SH3GL3: variants seen among roughly 807,000 people sequenced by gnomAD.
The protein encoded by SH3GL3 is endophilin-A3.
Under a neutral mutation model 47.7 loss-of-function variants are expected in SH3GL3, and 33 were observed. That is an observed-to-expected ratio of 0.69 (90% confidence interval 0.52 to 0.92). The LOEUF (loss-of-function observed/expected upper bound fraction) is 0.92. Among genes scored for constraint, SH3GL3 ranks in the 40% least tolerant of loss-of-function variants. The pLI is 0.00. For missense variants in SH3GL3, 363 were observed against 417.8 expected (o/e 0.87, Z 1.14); for synonymous variants, 155 against 148.8 (o/e 1.04, Z -0.30).
chr15:83,619,624 C>T (rs1343853646), downstream of SH3GL3, among the ~76,000 whole-genome samples: 1 of 152,056 alleles, frequency 6.6e-6, no homozygotes, highest in East Asian at 1.9e-4. Flanking sequence ...GAGCATATGT[C>T]TTAAAAAAAC....
rs543175061 is a variant in SH3GL3 at position 83,526,374 on chromosome 15, A to G, written c.46-32879A>G. ...AAAGACACATGCACACATATGTTCAATGCAACACTATTTGCAATAGCAAAG... is the reference window on the plus strand; with the variant it reads ...AAAGACACATGCACACATATGTTCAGTGCAACACTATTTGCAATAGCAAAG... On this transcript the variant is annotated intron_variant, in intron 1 of 8. Transcript: ENST00000427482. Among the ~76,000 whole-genome samples, 6 of 152,358 alleles carry G rather than the reference A, an allele frequency of 3.9e-5. No individual in the cohort carries two copies. The East Asian group carries it at 5.8e-4, about 15-fold the overall frequency.
At chr15:83,498,186 AT>A (rs778424606) in intron 1 of SH3GL3, among the ~76,000 whole-genome samples, 7 of 152,172 alleles carry the variant, frequency 4.6e-5, no homozygotes, top group Non-Finnish European at 1.0e-4. Context: ...TTTTCAAAAA[AT>A]ATATTTTTTA....
the SH3GL3 span, among the ~76,000 whole-genome samples, chr15:83,625,984 C>G: frequency 6.6e-6 from 1 of 152,134 alleles, no homozygotes; most frequent in African/African-American, 2.4e-5. Context: ...AGGCACCCAC[C>G]ACCACACCCA....
chr15:83,567,275 GCATCTTTC>G (rs2045594903), intron 3 of SH3GL3, among the ~76,000 whole-genome samples: 1 of 152,170 alleles, frequency 6.6e-6, no homozygotes, highest in Admixed American at 6.5e-5. Flanking sequence ...ACTTTTTAGG[GCATCTTTC>G]CATCTTTCTT....
intron 8 of SH3GL3, 130 bp downstream of exon 8, chr15:83,588,901 A>T (rs1012475060): frequency 2.4e-5 from 15 of 622,460 alleles, no homozygotes; most frequent in Non-Finnish European, 4.1e-5. Context: ...TGTTTGGTAA[A>T]TTCCCTTTTC....
Position 83,618,422 on chromosome 15 carries a change from A to C in SH3GL3, c.*135A>C, listed in dbSNP as rs2060884722. ...CTTTTGTATGTGTGCTCTCTTTATA[A>C]TGTATTTTATATCACTTTAATTTGT... On this transcript the variant is annotated 3_prime_UTR_variant, in exon 9 of 9. Coordinates refer to ENST00000427482, the MANE Select transcript of SH3GL3 (RefSeq NM_003027.5). 1.6e-6 allele frequency: 1 copy of C among 618,862 alleles called. No homozygotes were observed. Among genetic ancestry groups the C allele is most frequent in the Non-Finnish European group, 2.9e-6 (1 of 343,306 alleles). 38.3% of individuals were successfully genotyped at this position (618,862 alleles called of 1,614,324 possible). A position where few individuals can be genotyped will look rare whatever the true frequency, so the allele number is the denominator to read the frequency against.
At chr15:83,487,712 C>T (rs2041670094) in intron 1 of SH3GL3, among the ~76,000 whole-genome samples, 1 of 152,166 alleles carries the variant, frequency 6.6e-6, no homozygotes, top group Non-Finnish European at 1.5e-5. Flanking sequence ...TGGCACAATG[C>T]CTTCTCATAT....
At position 83,476,329 on chromosome 15, in the gene SH3GL3, T is replaced by A. The variant is rs7181865; in HGVS notation, c.45+28751T>A. ...ATCGCATGAGATAAATATTTGTGTT[T>A]GTATTTGTCACCATTGCATGAAATA... On this transcript the variant is annotated intron_variant, in intron 1 of 8. Coordinates refer to ENST00000427482, the MANE Select transcript of SH3GL3 (RefSeq NM_003027.5). Among the ~76,000 whole-genome samples the A allele has an allele frequency of 6.2e-3, 950 of 152,322 alleles. 9 individuals carry two copies. Among genetic ancestry groups the A allele is most frequent in the African/African-American group, 0.022 (894 of 41,572 alleles).
At chr15:83,603,774 A>G (rs528107126) in intron 8 of SH3GL3, among the ~76,000 whole-genome samples, 1 of 152,334 alleles carries the variant, frequency 6.6e-6, no homozygotes, top group East Asian at 1.9e-4. Context: ...AGCTACTGGT[A>G]TATGGTCTGC....
chr15:83,608,276 C>G (rs2060580233), intron 8 of SH3GL3, among the ~76,000 whole-genome samples: 1 of 152,126 alleles, frequency 6.6e-6, no homozygotes. Flanking sequence ...CTTAGTAGTG[C>G]ACAACTTAAC....
At chr15:83,521,066 G>A (rs1009461425) in intron 1 of SH3GL3, among the ~76,000 whole-genome samples, 7 of 152,134 alleles carry the variant, frequency 4.6e-5, no homozygotes, top group African/African-American at 1.7e-4. Context: ...CTCTTTCTGA[G>A]GTGTGTTTCC....
chr15:83,456,664 G>C (rs1005518979), intron 1 of SH3GL3, among the ~76,000 whole-genome samples: 3 of 141,538 alleles, frequency 2.1e-5, no homozygotes, highest in South Asian at 2.5e-4. Flanking sequence ...GCCCTGCTTC[G>C]GCTCGCGCAC....
intron 8 of SH3GL3, among the ~76,000 whole-genome samples, chr15:83,599,392 TTA>T (rs1307952342): frequency 6.6e-6 from 1 of 152,220 alleles, no homozygotes; most frequent in Non-Finnish European, 1.5e-5. Flanking sequence ...TGTATCATTC[TTA>T]TGTCTTTGCA....
At chr15:83,496,748 G>A (rs187465312) in intron 1 of SH3GL3, among the ~76,000 whole-genome samples, 5 of 152,224 alleles carry the variant, frequency 3.3e-5, no homozygotes, top group Admixed American at 1.3e-4. Flanking sequence ...GAAGCTTGTC[G>A]GTGACTCTGA....
intron 1 of SH3GL3, among the ~76,000 whole-genome samples, chr15:83,477,637 A>C (rs567351486): frequency 6.6e-6 from 1 of 152,168 alleles, no homozygotes; most frequent in South Asian, 2.1e-4. Flanking sequence ...GGCGTGGACC[A>C]TATATGTTCT....
At chr15:83,535,976 T>G (rs1026904320) in intron 1 of SH3GL3, among the ~76,000 whole-genome samples, 2 of 152,220 alleles carry the variant, frequency 1.3e-5, no homozygotes, top group Non-Finnish European at 2.9e-5. Flanking sequence ...CTGCCTGATA[T>G]GATGCAAACT....
intron 1 of SH3GL3, among the ~76,000 whole-genome samples, chr15:83,530,536 T>C (rs1213516025): frequency 1.3e-5 from 2 of 152,166 alleles, no homozygotes; most frequent in Non-Finnish European, 2.9e-5. Flanking sequence ...CCTATTTTGG[T>C]TCTTTTTTGG....
intron 1 of SH3GL3, among the ~76,000 whole-genome samples, chr15:83,551,157 G>T (rs1472694371): frequency 2.0e-5 from 3 of 152,154 alleles, no homozygotes; most frequent in Admixed American, 1.3e-4. Context: ...CTGCTCGGTT[G>T]TAGGCTTTGA....
Position 83,618,371 on chromosome 15 carries a change from C to A in SH3GL3, c.*84C>A. ...CTCTCAGTGCGGTGTTCTGTGACAT[C>A]CTTTGCTCTCTGACCAACTTAATGA... On this transcript the variant is annotated 3_prime_UTR_variant, in exon 9 of 9. Coordinates refer to ENST00000427482, the MANE Select transcript of SH3GL3 (RefSeq NM_003027.5). The A allele has an allele frequency of 1.2e-6, 1 of 840,310 alleles. No homozygotes were observed. The highest frequency in any genetic ancestry group is 2.0e-6 in the Non-Finnish European group (1 of 488,418). 52.1% of individuals were successfully genotyped at this position (840,310 alleles called of 1,614,324 possible).
Sources: allele counts gnomAD v4.1 joint callset (sites outside exome capture counted in the v4.1 genomes callset), GRCh38; gene constraint gnomAD v4.1.1; transcripts MANE v1.5; gene names NCBI Gene and HGNC (gene_info 2026-07-23, HGNC 2026-07-21).